Variants in C1orf141 observed in about 807,000 individuals in gnomAD.
C1orf141 encodes uncharacterized protein C1orf141.
Under a neutral mutation model 23.2 loss-of-function variants are expected in C1orf141, and 19 were observed. The ratio of observed to expected loss-of-function variants is 0.82; its 90% CI spans 0.57 to 1.20. C1orf141 has a LOEUF of 1.20. Among genes scored for constraint, C1orf141 ranks in the 50% most tolerant of loss-of-function variants. The pLI, the probability that C1orf141 is intolerant of heterozygous loss-of-function variation, is 0.00. For synonymous variants in C1orf141, 153 were observed against 154.6 expected (o/e 0.99, Z 0.08); for missense variants, 469 against 455.1 (o/e 1.03, Z -0.28).
At chr1:67,121,749 G>T (rs995090336) in intron 4 of C1orf141, 1 of 152,138 alleles carries the variant, frequency 6.6e-6, no homozygotes, top group Non-Finnish European at 1.5e-5. Context: ...GTAGGAGCTG[G>T]CTTTAGCACA....
At position 67,095,262 on chromosome 1, in the gene C1orf141, A is replaced by G; in HGVS notation, c.576T>C (p.Ser192=). The change falls in exon 7 of 8, where the codon AGT becomes AGC. Residue 192 remains serine, a synonymous_variant. Coordinates refer to ENST00000684719, the MANE Select transcript of C1orf141 (RefSeq NM_001276351.2). The part of the protein sequence containing the change: ...KNPHAKIVNV[S]PTKTVTSHME... ...TGTGAGAAGTTACTGTCTTTGTTGG[A>G]CTAACGTTGACTATCTTGGCATGTG... 1 of 1,591,836 alleles carries G rather than the reference A, an allele frequency of 6.3e-7. No individual in the cohort carries two copies. The highest frequency in any genetic ancestry group is 8.6e-7 in the Non-Finnish European group (1 of 1,169,352).
intron 5 of C1orf141, among the ~76,000 whole-genome samples, chr1:67,096,834 T>C (rs950229277): frequency 2.6e-5 from 4 of 152,224 alleles, no homozygotes; most frequent in Non-Finnish European, 4.4e-5. Flanking sequence ...GTTTATATTC[T>C]AGTGCAGTAC....
At chr1:67,111,385 T>C (rs1296174869) in intron 5 of C1orf141, among the ~76,000 whole-genome samples, 1 of 152,262 alleles carries the variant, frequency 6.6e-6, no homozygotes, top group Non-Finnish European at 1.5e-5. Flanking sequence ...CTCCAACAAA[T>C]AATATATTAT....
intron 2 of C1orf141, among the ~76,000 whole-genome samples, chr1:67,130,893 T>C (rs963592586): frequency 6.6e-5 from 10 of 152,362 alleles, no homozygotes; most frequent in South Asian, 4.1e-4. Flanking sequence ...TGGTGCCTAA[T>C]GGATAAATGG....
In C1orf141 at chr1:67,093,181, G is replaced by A. The variant is rs758181411; in HGVS notation, c.1027C>T (p.Gln343Ter). ...DKAVIHEMSA[Q>*]TGKFERMFSA... Reference sequence around the variant, plus strand: ...AACATTCTTTCAAATTTTCCAGTTTGGGCACTCATTTCATGAATAACAGCT... The same window carrying A: ...AACATTCTTTCAAATTTTCCAGTTTAGGCACTCATTTCATGAATAACAGCT... The change falls in exon 8 of 8, where the codon CAA becomes TAA. Residue 343 changes from glutamine (Q) to a stop codon, truncating the protein, a stop_gained. Transcript: ENST00000684719. LOFTEE classifies it low-confidence loss of function (END_TRUNC). The A allele has an allele frequency of 6.2e-7, 1 of 1,613,788 alleles. No individual in the cohort carries two copies. The highest frequency in any genetic ancestry group is 8.5e-7 in the Non-Finnish European group (1 of 1,179,788).
intron 5 of C1orf141, chr1:67,102,926 T>TA (rs1243016834): frequency 5.6e-6 from 1 of 178,658 alleles, no homozygotes; most frequent in Non-Finnish European, 1.2e-5. Context: ...TACTTAGGGC[T>TA]AAAATCTCTT....
upstream of C1orf141, among the ~76,000 whole-genome samples, chr1:67,135,906 C>CAAAAAAAAAAAAAAAAA (rs59519661): frequency 4.8e-5 from 3 of 62,620 alleles, no homozygotes; most frequent in Admixed American, 2.6e-4. Flanking sequence ...GGCAAAACTG[C>CAAAAAAAAAAAAAAAAA]AAAAAAAAAA....
chr1:67,119,538 C>T (rs1201989032), intron 4 of C1orf141, among the ~76,000 whole-genome samples: 1 of 152,130 alleles, frequency 6.6e-6, no homozygotes, highest in Non-Finnish European at 1.5e-5. Flanking sequence ...TTTCAGCCTG[C>T]TCATATTACA....
upstream of C1orf141, among the ~76,000 whole-genome samples, chr1:67,137,750 G>A (rs531556950): frequency 1.1e-3 from 170 of 152,338 alleles, no homozygotes; most frequent in African/African-American, 3.7e-3. Context: ...GAAGGCAAGG[G>A]CAAAGGCCGG....
At chr1:67,140,791 T>C (rs1646629878) in intron 1 of C1orf141, among the ~76,000 whole-genome samples, 1 of 152,172 alleles carries the variant, frequency 6.6e-6, no homozygotes, top group South Asian at 2.1e-4. Flanking sequence ...CATCTATTTA[T>C]TGAATTCTCA....
intron 5 of C1orf141, among the ~76,000 whole-genome samples, chr1:67,109,068 C>A (rs1474670569): frequency 1.3e-5 from 2 of 152,174 alleles, no homozygotes; most frequent in East Asian, 3.9e-4. Flanking sequence ...TGGCTCATGC[C>A]TGTAATCCCA....
At chr1:67,110,042 A>G (rs1485863645) in intron 5 of C1orf141, among the ~76,000 whole-genome samples, 1 of 152,176 alleles carries the variant, frequency 6.6e-6, no homozygotes, top group African/African-American at 2.4e-5. Context: ...AAATGAAATG[A>G]TTATTTATAA....
intron 1 of C1orf141, among the ~76,000 whole-genome samples, chr1:67,141,056 A>G (rs1646632313): frequency 6.6e-6 from 1 of 152,190 alleles, no homozygotes; most frequent in Admixed American, 6.5e-5. Context: ...TGCAGCTGTT[A>G]CAAGAGGTAT....
chr1:67,117,721 G>T (rs989199975), intron 4 of C1orf141, among the ~76,000 whole-genome samples: 3 of 152,160 alleles, frequency 2.0e-5, no homozygotes, highest in Non-Finnish European at 4.4e-5. Context: ...ATATAGTCTT[G>T]TTAAGGAGGT....
intron 5 of C1orf141, chr1:67,102,531 C>CAGTCACACA (rs1645827463): frequency 6.6e-6 from 1 of 151,912 alleles, no homozygotes; most frequent in Non-Finnish European, 1.5e-5. Flanking sequence ...AAAGCATTTC[C>CAGTCACACA]AGTCACACAA....
At chr1:67,115,275 A>G in intron 5 of C1orf141, 77 bp downstream of exon 5, 1 of 627,894 alleles carries the variant, frequency 1.6e-6, no homozygotes, top group Non-Finnish European at 2.8e-6. Flanking sequence ...CCTTTAAGAC[A>G]CACATCGGTA....
At chr1:67,104,029 T>C (rs1645866385) in intron 5 of C1orf141, among the ~76,000 whole-genome samples, 1 of 152,108 alleles carries the variant, frequency 6.6e-6, no homozygotes, top group African/African-American at 2.4e-5. Flanking sequence ...TATATTTAGT[T>C]CTGGATAATA....
chr1:67,115,596 C>A, intron 4 of C1orf141, 132 bp from the exon 5 acceptor site: 1 of 503,716 alleles, frequency 2.0e-6, no homozygotes, highest in Non-Finnish European at 3.5e-6. Context: ...TGTCACAGTA[C>A]CAAGTGTGAA....
intron 5 of C1orf141, among the ~76,000 whole-genome samples, chr1:67,103,703 G>C (rs918912829): frequency 3.3e-5 from 5 of 151,934 alleles, no homozygotes; most frequent in Non-Finnish European, 5.9e-5. Context: ...AAGTTCAGGG[G>C]AAGTCTAAAG....
Sources: gnomAD v4.1 joint callset for allele counts (sites outside exome capture counted in the v4.1 genomes callset) on GRCh38, gnomAD v4.1.1 for gene constraint, MANE v1.5 for transcripts, NCBI Gene and HGNC (gene_info 2026-07-23, HGNC 2026-07-21) for gene names.